Variants in VPS8 observed in about 807,000 individuals in gnomAD.
VPS8 encodes VPS8 subunit of CORVET complex, also known as vacuolar protein sorting-associated protein 8 homolog.
In VPS8, 129 loss-of-function variants were observed where a neutral mutation model predicts 216.4. That is an observed-to-expected ratio of 0.60 (90% CI 0.52 to 0.69). The LOEUF is 0.69. Among genes scored for constraint, VPS8 ranks in the 30% least tolerant of loss-of-function variants. The pLI is 0.00. For synonymous variants in VPS8, 571 were observed against 565.4 expected (o/e 1.01, Z -0.14); for missense variants, 1,531 against 1,683.5 (o/e 0.91, Z 1.59).
Position 184,824,775 on chromosome 3 carries a change from A to G in VPS8, c.143A>G (p.Lys48Arg), listed in dbSNP as rs554049318. 1.9e-6 allele frequency: 3 copies of G among 1,609,366 alleles called. No homozygotes were observed. Among genetic ancestry groups the G allele is most frequent in the South Asian group, 2.2e-5 (2 of 90,366 alleles). Residue 48 changes from lysine to arginine, a missense_variant, in exon 2 of 48, where the codon AAA (lysine) becomes AGA (arginine). Physicochemically the swap from Lys to Arg is conservative, Grantham distance 26 (BLOSUM62 2). Coordinates refer to ENST00000625842, the MANE Select transcript of VPS8 (RefSeq NM_001009921.3). ...YIDMDKELEFKNDLIDDKEFD... is the reference protein window; with the variant it reads ...YIDMDKELEFRNDLIDDKEFD... The stretch of plus-strand genomic sequence containing the variant: ...GATATGGACAAGGAACTGGAGTTCA[A>G]AAATGATCTGGTAAAAATTTCAATT...
chr3:184,901,009 G>A (rs372983521), intron 25 of VPS8, 37 bp downstream of exon 25: 11 of 1,564,042 alleles, frequency 7.0e-6, no homozygotes, highest in East Asian at 4.5e-5. Context: ...TTGCTTTCCT[G>A]TATTTAAGGT....
At chr3:184,936,813 T>C (rs1418883220) in intron 35 of VPS8, among the ~76,000 whole-genome samples, 2 of 151,408 alleles carry the variant, frequency 1.3e-5, no homozygotes, top group Non-Finnish European at 3.0e-5. Flanking sequence ...TCTCCACTCA[T>C]TGCGAGCTCC....
chr3:184,821,228 G>C (rs777162690), intron 1 of VPS8, among the ~76,000 whole-genome samples: 1 of 152,206 alleles, frequency 6.6e-6, no homozygotes, highest in Non-Finnish European at 1.5e-5. Context: ...AAGAAAGGGG[G>C]AAGTTGGGAG....
intron 1 of VPS8, chr3:184,812,673 T>G (rs1051639709): frequency 2.0e-5 from 3 of 152,176 alleles, no homozygotes; most frequent in Admixed American, 6.5e-5. Flanking sequence ...ATTGCAAGCC[T>G]CATTCTGTCC....
rs148816750 is a variant in VPS8 at position 184,868,729 on chromosome 3, A to G, written c.1507-217A>G. Among the ~76,000 whole-genome samples, 220 of 152,266 alleles carry G rather than the reference A, an allele frequency of 1.4e-3. 1 individual carries two copies. The highest frequency in any genetic ancestry group is 1.9e-3 in the Non-Finnish European group (129 of 68,012). ...CATTCCAGCTATTTCCCCTTTTCAT[A>G]TTTAGGCCCCGTGGCTCTCTATACT... On this transcript the variant is annotated intron_variant, in intron 18 of 47. Transcript: ENST00000625842.
chr3:185,025,417 A>G (rs1473680217), intron 46 of VPS8, among the ~76,000 whole-genome samples: 3 of 152,216 alleles, frequency 2.0e-5, no homozygotes, highest in African/African-American at 7.2e-5. Flanking sequence ...GAACAAAAAT[A>G]ACCACCTGCT....
At chr3:184,816,751 G>A (rs543125206) in intron 1 of VPS8, among the ~76,000 whole-genome samples, 4 of 152,322 alleles carry the variant, frequency 2.6e-5, no homozygotes, top group African/African-American at 9.6e-5. Context: ...GGAACTGCAT[G>A]GCGTTTGTTA....
chr3:184,848,946 A>G, intron 8 of VPS8, 125 bp from the exon 9 acceptor site: 1 of 988,168 alleles, frequency 1.0e-6, no homozygotes, highest in Non-Finnish European at 1.5e-6. Flanking sequence ...TTAAAAATGA[A>G]TGTGACTTCA....
At chr3:184,896,220 C>A (rs950390450) in intron 23 of VPS8, among the ~76,000 whole-genome samples, 3 of 152,022 alleles carry the variant, frequency 2.0e-5, no homozygotes, top group African/African-American at 7.2e-5. Context: ...CATAGTCTTA[C>A]AATAGGTCTG....
rs371557880 is a variant in VPS8 at position 184,990,218 on chromosome 3, C to G, written c.3586-3765C>G. Among the ~76,000 whole-genome samples, 548 of 152,190 alleles carry G rather than the reference C, an allele frequency of 3.6e-3. 3 individuals are homozygous for G. The highest frequency in any genetic ancestry group is 0.013 in the African/African-American group (526 of 41,516). On this transcript the variant is annotated intron_variant, in intron 42 of 47. Coordinates refer to ENST00000625842, the MANE Select transcript of VPS8 (RefSeq NM_001009921.3). ...CCCTGTATTTAATCCACGTTAAATC[C>G]TCTCTACTCTGTCTCCTAGAATATT...
At chr3:184,948,595 A>G (rs939872684) in intron 36 of VPS8, among the ~76,000 whole-genome samples, 7 of 152,188 alleles carry the variant, frequency 4.6e-5, no homozygotes, top group Admixed American at 3.9e-4. Context: ...AGTGGCCAGC[A>G]TAGTAATCAG....
At chr3:184,824,384 C>T (rs1467079511) in intron 1 of VPS8, among the ~76,000 whole-genome samples, 161 bp from the exon 2 acceptor site, 1 of 152,192 alleles carries the variant, frequency 6.6e-6, no homozygotes. Flanking sequence ...AAACCCTCTC[C>T]TAATAACATA....
intron 45 of VPS8, among the ~76,000 whole-genome samples, chr3:185,024,047 C>G (rs1757020571): frequency 6.6e-6 from 1 of 152,198 alleles, no homozygotes; most frequent in African/African-American, 2.4e-5. Flanking sequence ...TGCTTAACAT[C>G]ATCACCAAAG....
intron 25 of VPS8, chr3:184,901,364 A>G (rs1734451973): frequency 5.9e-6 from 1 of 168,604 alleles, no homozygotes; most frequent in Non-Finnish European, 1.3e-5. Context: ...TTACCACTGA[A>G]TGATAGTCCA....
chr3:184,943,406 T>A (rs1183051460), intron 36 of VPS8, among the ~76,000 whole-genome samples: 1 of 152,222 alleles, frequency 6.6e-6, no homozygotes, highest in Non-Finnish European at 1.5e-5. Flanking sequence ...TTAGCTGTTT[T>A]TTAGTGACCA....
intron 29 of VPS8, 113 bp downstream of exon 29, chr3:184,920,311 G>GTAA: frequency 1.5e-6 from 1 of 689,566 alleles, no homozygotes; most frequent in Non-Finnish European, 2.2e-6. Flanking sequence ...GAATCATATC[G>GTAA]TAAAATTTTA....
chr3:185,019,735 A>G (rs1039876085), intron 45 of VPS8, among the ~76,000 whole-genome samples: 2 of 152,204 alleles, frequency 1.3e-5, no homozygotes, highest in Non-Finnish European at 2.9e-5. Context: ...GCATGTCACA[A>G]TGCTGTAGAG....
intron 3 of VPS8, among the ~76,000 whole-genome samples, chr3:184,832,226 C>T (rs776823204): frequency 1.3e-5 from 2 of 152,164 alleles, no homozygotes; most frequent in Non-Finnish European, 2.9e-5. Flanking sequence ...ATCACTGTGT[C>T]TTTCTGTGCT....
intron 46 of VPS8, among the ~76,000 whole-genome samples, chr3:185,028,610 G>A (rs957994682): frequency 6.6e-6 from 1 of 152,206 alleles, no homozygotes; most frequent in Non-Finnish European, 1.5e-5. Context: ...ACCCTAGGCT[G>A]TGTTAATGGA....
Sources: gnomAD v4.1 joint callset for allele counts (sites outside exome capture counted in the v4.1 genomes callset) on GRCh38, gnomAD v4.1.1 for gene constraint, MANE v1.5 for transcripts, NCBI Gene and HGNC (gene_info 2026-07-23, HGNC 2026-07-21) for gene names.